Variants in TMEM181 observed in about 807,000 individuals in gnomAD.
The protein encoded by TMEM181 is G protein-coupled receptor 178.
Under a neutral mutation model 71.9 loss-of-function variants are expected in TMEM181, and 39 were observed. The observed-to-expected ratio is 0.54, with a 90% CI of 0.42 to 0.71. The LOEUF is 0.71. Among genes scored for constraint, TMEM181 ranks in the 30% least tolerant of loss-of-function variants. The pLI is 0.00. For synonymous variants in TMEM181, 245 were observed against 228.8 expected (o/e 1.07, Z -0.64); for missense variants, 595 against 583.0 (o/e 1.02, Z -0.21).
chr6:158,559,297 A>G (rs1281828274), upstream of TMEM181, among the ~76,000 whole-genome samples: 2 of 152,184 alleles, frequency 1.3e-5, no homozygotes, highest in East Asian at 3.9e-4. Flanking sequence ...GAGGGCAGGA[A>G]CTGTTCCTTA....
chr6:158,578,494 A>T (rs1317191623), intron 2 of TMEM181, among the ~76,000 whole-genome samples: 1 of 152,246 alleles, frequency 6.6e-6, no homozygotes, highest in African/African-American at 2.4e-5. Flanking sequence ...AGACTAATGC[A>T]TTAAAACTTA....
At chr6:158,589,605 C>G in intron 5 of TMEM181, 67 bp from the exon 6 acceptor site, 1 of 1,224,886 alleles carries the variant, frequency 8.2e-7, no homozygotes, top group Non-Finnish European at 1.2e-6. Flanking sequence ...CGTGTTACTT[C>G]ATGGGTTATT....
At chr6:158,604,294 C>G (rs1784824123) in intron 6 of TMEM181, among the ~76,000 whole-genome samples, 2 of 152,116 alleles carry the variant, frequency 1.3e-5, no homozygotes, top group Non-Finnish European at 2.9e-5. Context: ...ATTGCTTCCT[C>G]AGGTCCAGTG....
At position 158,625,152 on chromosome 6, in the gene TMEM181, C is replaced by T. The variant is rs1456389404; in HGVS notation, c.1003C>T (p.Leu335Phe). The T allele has an allele frequency of 1.2e-6, 2 of 1,614,160 alleles. No homozygotes were observed. The highest frequency in any genetic ancestry group is 1.7e-6 in the Non-Finnish European group (2 of 1,180,028). Residue 335 changes from leucine (L) to phenylalanine (F), a missense_variant, in exon 12 of 17, where the codon CTC (leucine) becomes TTC (phenylalanine). Physicochemically the swap from Leu to Phe is conservative, Grantham distance 22. Transcript: ENST00000684151. Reference sequence around the variant, plus strand: ...GGTGGCAGCGGTGTACATTCTGTACCTCTTGTTCTTGATAGTGCGGGCGTG... The same window carrying T: ...GGTGGCAGCGGTGTACATTCTGTACTTCTTGTTCTTGATAGTGCGGGCGTG... ...MVVAAVYILY[L>F]LFLIVRACSE...
chr6:158,565,265 T>C (rs1262327504), intron 1 of TMEM181, among the ~76,000 whole-genome samples: 6 of 152,240 alleles, frequency 3.9e-5, no homozygotes, highest in African/African-American at 1.2e-4. Flanking sequence ...CGTGCCCTCC[T>C]GGCCCTGCTT....
upstream of TMEM181, chr6:158,559,965 G>T (rs1561679): frequency 4.9e-6 from 4 of 811,050 alleles, no homozygotes; most frequent in African/African-American, 3.7e-5. Context: ...GCTCCGCCCC[G>T]GCACGGGGCC....
intron 10 of TMEM181, among the ~76,000 whole-genome samples, chr6:158,616,813 C>G (rs1583041119): frequency 6.6e-6 from 1 of 152,252 alleles, no homozygotes; most frequent in East Asian, 1.9e-4. Context: ...GTTGAACCAG[C>G]CTTGCATCCC....
In TMEM181 at chr6:158,625,114, T is replaced by A. The variant is rs1242519200; in HGVS notation, c.965T>A (p.Val322Asp). ...VDTGNFQGMK[V>D]FFMVVAAVYI... is the part of the protein sequence containing the mutation. ...CTTGTGTCCTCCTAGGGAATGAAGGTCTTCTTCATGGTGGTGGCAGCGGTG... is the reference window on the plus strand; with the variant it reads ...CTTGTGTCCTCCTAGGGAATGAAGGACTTCTTCATGGTGGTGGCAGCGGTG... The change falls in exon 12 of 17, where the codon GTC (valine) becomes GAC (aspartate). Residue 322 changes from valine to aspartate, a missense_variant. Physicochemically the swap from Val to Asp is radical, Grantham distance 152. Coordinates refer to ENST00000684151, the MANE Select transcript of TMEM181 (RefSeq NM_001376852.1). The A allele has an allele frequency of 5.0e-6, 8 of 1,613,454 alleles. No individual in the cohort carries two copies. Among genetic ancestry groups the A allele is most frequent in the Non-Finnish European group, 5.1e-6 (6 of 1,179,376 alleles).
rs974864902 is a variant in TMEM181, at chr6:158,627,109, TCTCACACC to T, written c.1110-1291_1110-1284del. 1.4e-4 allele frequency among the ~76,000 whole-genome samples: 15 copies of T among 107,028 alleles called. No homozygotes were observed. The Admixed American group carries it at 1.4e-3, about 10-fold the overall frequency. 70.2% of individuals were successfully genotyped at this position (107,028 alleles called of 152,430 possible). On this transcript the variant is annotated intron_variant, in intron 13 of 16. Transcript: ENST00000684151. ...CACCCTCACCCTCGTTTTCACCCTC[TCTCACACC>T]CTCACACACCCTTGCTCACACACCT...
chr6:158,629,462 C>T (rs780983187), intron 14 of TMEM181, among the ~76,000 whole-genome samples: 17 of 152,116 alleles, frequency 1.1e-4, no homozygotes, highest in Non-Finnish European at 1.9e-4. Flanking sequence ...GTGACAGGAG[C>T]GCCACCAGAT....
intron 1 of TMEM181, among the ~76,000 whole-genome samples, chr6:158,564,502 A>G (rs1248026601): frequency 1.3e-5 from 2 of 152,230 alleles, no homozygotes; most frequent in African/African-American, 2.4e-5. Context: ...GACTTCATAC[A>G]GTGGGGTCTT....
At chr6:158,631,585 C>T (rs1786667611) in intron 16 of TMEM181, among the ~76,000 whole-genome samples, 196 bp downstream of exon 16, 1 of 152,174 alleles carries the variant, frequency 6.6e-6, no homozygotes, top group African/African-American at 2.4e-5. Flanking sequence ...TGCTGGCTAC[C>T]TGTAGGGCGT....
intron 13 of TMEM181, chr6:158,626,338 C>G (rs948760447): frequency 2.2e-6 from 1 of 455,306 alleles, no homozygotes; most frequent in Non-Finnish European, 4.4e-6. Flanking sequence ...TGAATCGATT[C>G]CAGGTAATTG....
intron 10 of TMEM181, among the ~76,000 whole-genome samples, chr6:158,618,769 A>G (rs1043793362): frequency 2.0e-5 from 3 of 152,248 alleles, no homozygotes; most frequent in Admixed American, 2.0e-4. Context: ...TTGGCTTGAT[A>G]CGAAACTCTG....
At position 158,635,408 on chromosome 6, in the gene TMEM181, G is replaced by A. The variant is rs1786902613; in HGVS notation, c.*3520G>A. Reference sequence around the variant, plus strand: ...TTCTGACACTACCTTTCTGGGAAATGTTAATAAATTTTTAATATTCACTTC... The same window carrying A: ...TTCTGACACTACCTTTCTGGGAAATATTAATAAATTTTTAATATTCACTTC... On this transcript the variant is annotated 3_prime_UTR_variant, in exon 17 of 17. Transcript: ENST00000684151. 1 of 152,188 alleles carries A rather than the reference G, an allele frequency of 6.6e-6. No individual in the cohort carries two copies. The highest frequency in any genetic ancestry group is 6.5e-5 in the Admixed American group (1 of 15,284). The allele number at this position is 152,188 out of a possible 1,614,324, so 9.4% of individuals were successfully genotyped here.
chr6:158,565,383 T>A (rs949571603), intron 1 of TMEM181, among the ~76,000 whole-genome samples: 5 of 152,090 alleles, frequency 3.3e-5, no homozygotes, highest in African/African-American at 4.8e-5. Flanking sequence ...GGACATGGCT[T>A]TACAGCTGGC....
rs1353631606 is a variant in TMEM181 at position 158,633,153 on chromosome 6, G to A, written c.*1265G>A. ...AAGTTTTTAAAACTCATATTTGGAA[G>A]CAAAATGAAAAGCAAGTAAAATGTT... On this transcript the variant is annotated 3_prime_UTR_variant, in exon 17 of 17. Coordinates refer to ENST00000684151, the MANE Select transcript of TMEM181 (RefSeq NM_001376852.1). 6.6e-6 allele frequency: 1 copy of A among 152,236 alleles called. No homozygotes were observed. The allele number at this position is 152,236 out of a possible 1,614,324, so 9.4% of individuals were successfully genotyped here.
intron 15 of TMEM181, among the ~76,000 whole-genome samples, chr6:158,630,299 C>T (rs915243246): frequency 3.9e-5 from 6 of 152,046 alleles, no homozygotes; most frequent in African/African-American, 1.4e-4. Flanking sequence ...AGTTTGAAAC[C>T]AGCCTGGGGA....
rs1786679221 is a variant in TMEM181, at chr6:158,631,798, C to G, written c.1350-12C>G. 1.9e-6 allele frequency: 3 copies of G among 1,590,320 alleles called. No homozygotes were observed. The highest frequency in any genetic ancestry group is 2.6e-6 in the Non-Finnish European group (3 of 1,167,674). On this transcript the variant is annotated splice_polypyrimidine_tract_variant and intron_variant, in intron 16 of 16. Transcript: ENST00000684151. ...AGAAGTTAGACGGTCTCAAAGGTCT[C>G]TTTGCTCACAGGAGTGACTATGAGG... is the stretch of plus-strand genomic sequence containing the variant.
Sources: allele counts gnomAD v4.1 joint callset (sites outside exome capture counted in the v4.1 genomes callset), GRCh38; gene constraint gnomAD v4.1.1; transcripts MANE v1.5; gene names NCBI Gene and HGNC (gene_info 2026-07-23, HGNC 2026-07-21).